SORL1: variants seen among roughly 807,000 people sequenced by gnomAD.
SORL1 encodes the protein sortilin-related receptor.
A neutral mutation model predicts 273.7 loss-of-function variants in SORL1; 127 were observed. That is an observed-to-expected ratio of 0.46 (90% CI 0.40 to 0.54). The LOEUF is 0.54. SORL1 is among the 20% of genes least tolerant of loss of function. The pLI, the probability that SORL1 is intolerant of heterozygous loss-of-function variation, is 0.00. For synonymous variants in SORL1, 1,031 were observed against 1,067.4 expected, an observed-to-expected ratio of 0.97 and a Z score of 0.66; for missense variants, 2,494 against 2,846.1, an observed-to-expected ratio of 0.88 and a Z score of 2.81.
rs761637190 is a variant in SORL1 at position 121,549,990 on chromosome 11, GTCATTAGA to G, written c.2083_2090del (p.Ser695GlyfsTer40). The G allele has an allele frequency of 3.7e-6, 6 of 1,613,630 alleles. No individual in the cohort carries two copies. In the South Asian group the frequency reaches 6.6e-5, roughly 18 times the overall value. ...TCGGTTTCAAGATGAGTGAAGATTT[GTCATTAGA>G]GGTTTGTGTTCCAGATCCGGAATTT... is the stretch of plus-strand genomic sequence containing the variant. On this transcript the variant is annotated frameshift_variant, in exon 15 of 48. Coordinates refer to ENST00000260197, the MANE Select transcript of SORL1 (RefSeq NM_003105.6). LOFTEE classifies it high-confidence loss of function.
Position 121,452,316 on chromosome 11 carries a change from T to G in SORL1, c.-16T>G. 1 of 1,517,290 alleles carries G rather than the reference T, an allele frequency of 6.6e-7. No homozygotes were observed. 94.0% of individuals were successfully genotyped at this position (1,517,290 alleles called of 1,614,324 possible). ...CTCCTGGCGGCGGCGCCACCTGCAG[T>G]AGCGTTCGCCCGAACATGGCGACAC... On this transcript the variant is annotated 5_prime_UTR_variant, in exon 1 of 48. Coordinates refer to ENST00000260197, the MANE Select transcript of SORL1 (RefSeq NM_003105.6). The surrounding 1 kb of genome is among the most constrained non-coding windows in gnomAD (Gnocchi z 5.3).
intron 6 of SORL1, among the ~76,000 whole-genome samples, chr11:121,498,229 A>G (rs1861659077): frequency 6.6e-6 from 1 of 152,244 alleles, no homozygotes; most frequent in Non-Finnish European, 1.5e-5. Flanking sequence ...AAATATGTAC[A>G]GCAGCCCAGA....
intron 5 of SORL1, among the ~76,000 whole-genome samples, chr11:121,496,591 T>G: frequency 6.6e-6 from 1 of 152,244 alleles, no homozygotes; most frequent in East Asian, 1.9e-4. Context: ...TTTTATCTTG[T>G]ACTACTACTT....
At chr11:121,603,566 C>G (rs1361964034) in intron 32 of SORL1, among the ~76,000 whole-genome samples, 1 of 152,232 alleles carries the variant, frequency 6.6e-6, no homozygotes. Flanking sequence ...GTTGCATAAC[C>G]CTTAACTTAC....
chr11:121,460,190 T>C (rs1860974227), intron 1 of SORL1, among the ~76,000 whole-genome samples: 1 of 152,144 alleles, frequency 6.6e-6, no homozygotes, highest in Non-Finnish European at 1.5e-5. Flanking sequence ...AGGTAACTGA[T>C]GTGACCTCTA....
At chr11:121,548,792 C>T (rs1862468468) in intron 14 of SORL1, among the ~76,000 whole-genome samples, 1 of 151,908 alleles carries the variant, frequency 6.6e-6, no homozygotes, top group Admixed American at 6.6e-5. Context: ...GTCTAGAACT[C>T]CTGACCTCAA....
chr11:121,586,693 T>G (rs1291056086), intron 27 of SORL1, among the ~76,000 whole-genome samples: 1 of 97,210 alleles, frequency 1.0e-5, no homozygotes, highest in African/African-American at 3.9e-5. Flanking sequence ...GGGGGTAGAG[T>G]GGGGGGGGGG....
chr11:121,540,771 A>C (rs141386630), intron 12 of SORL1, among the ~76,000 whole-genome samples: 327 of 152,264 alleles, frequency 2.1e-3, no homozygotes, highest in Non-Finnish European at 3.7e-3. Context: ...TTCATTAATG[A>C]GTTATTGTCA....
intron 21 of SORL1, among the ~76,000 whole-genome samples, chr11:121,561,507 A>T (rs1193103326): frequency 6.6e-6 from 1 of 152,132 alleles, no homozygotes. Context: ...AGGTCTGGAT[A>T]GATGACAGGC....
intron 32 of SORL1, among the ~76,000 whole-genome samples, chr11:121,597,690 C>A (rs1237854717): frequency 2.0e-5 from 3 of 152,164 alleles, no homozygotes; most frequent in Admixed American, 6.5e-5. Context: ...GAACTCCTGA[C>A]CTCAAGTGAT....
intron 3 of SORL1, among the ~76,000 whole-genome samples, chr11:121,481,878 G>A (rs1463410676): frequency 6.3e-5 from 9 of 143,274 alleles, no homozygotes; most frequent in Admixed American, 5.1e-4. Context: ...CCTATAGGCA[G>A]GCTTCATCTC....
chr11:121,598,375 G>A lies in SORL1; in HGVS notation c.4519+2603G>A, dbSNP rs575710105. On this transcript the variant is annotated intron_variant, in intron 32 of 47. Coordinates refer to ENST00000260197, the MANE Select transcript of SORL1 (RefSeq NM_003105.6). The stretch of plus-strand genomic sequence containing the variant: ...AAAGGAAGAATGAGGGTTTTCCCCA[G>A]GATGACAGTGAAAGCTGATGCTACC... Among the ~76,000 whole-genome samples, 19 of 152,308 alleles carry A rather than the reference G, an allele frequency of 1.2e-4. No individual in the cohort carries two copies. The Middle Eastern group carries it at 0.01, about 82-fold the overall frequency.
At chr11:121,495,929 C>T (rs577810898) in intron 5 of SORL1, among the ~76,000 whole-genome samples, 5 of 152,130 alleles carry the variant, frequency 3.3e-5, no homozygotes. Context: ...GAAGCTCAGA[C>T]AAATACATAA....
At chr11:121,489,545 G>A (rs776197389) in intron 4 of SORL1, among the ~76,000 whole-genome samples, 39 of 152,190 alleles carry the variant, frequency 2.6e-4, no homozygotes, top group Non-Finnish European at 4.1e-4. Context: ...ATTGTAGCAT[G>A]TGTCAATTTT....
chr11:121,576,665 C>CT, intron 24 of SORL1: 1 of 1,064,458 alleles, frequency 9.4e-7, no homozygotes, highest in Non-Finnish European at 1.3e-6. Flanking sequence ...GGGCAGCCTC[C>CT]TTCCCCTTCT....
chr11:121,489,967 C>A, intron 4 of SORL1, 76 bp from the exon 5 acceptor site: 1 of 1,061,098 alleles, frequency 9.4e-7, no homozygotes, highest in Non-Finnish European at 1.5e-6. Context: ...GGTGGGATTT[C>A]AGCGGGTGTT....
At chr11:121,470,599 G>C (rs60990684) in intron 2 of SORL1, among the ~76,000 whole-genome samples, 1 of 152,112 alleles carries the variant, frequency 6.6e-6, no homozygotes, top group South Asian at 2.1e-4. Context: ...GATGCCAAGG[G>C]TTATAAACTC....
intron 21 of SORL1, among the ~76,000 whole-genome samples, chr11:121,565,736 A>G (rs1862745197): frequency 6.6e-6 from 1 of 152,216 alleles, no homozygotes. Flanking sequence ...TTGTTATAAA[A>G]TGGTTTATGC....
intron 12 of SORL1, among the ~76,000 whole-genome samples, chr11:121,538,002 C>T (rs573876024): frequency 6.6e-6 from 1 of 152,346 alleles, no homozygotes; most frequent in African/African-American, 2.4e-5. Context: ...TAGGTTCTCC[C>T]TTAGGTCTGC....
Sources: allele counts gnomAD v4.1 joint callset (sites outside exome capture counted in the v4.1 genomes callset), GRCh38; gene constraint gnomAD v4.1.1; non-coding constraint Gnocchi (gnomAD v3.1); transcripts MANE v1.5; gene names NCBI Gene and HGNC (gene_info 2026-07-23, HGNC 2026-07-21).